ERICH1: variants seen among roughly 807,000 people sequenced by gnomAD.
The protein encoded by ERICH1 is glutamate-rich protein 1.
Under a neutral mutation model 39.6 loss-of-function variants are expected in ERICH1, and 56 were observed. That is an observed-to-expected ratio of 1.41 (90% CI 1.14 to 1.77). The LOEUF is 1.77. Among genes scored for constraint, ERICH1 ranks in the 40% most tolerant of loss-of-function variants. ERICH1 has a pLI of 0.00. For missense variants in ERICH1, 826 were observed against 575.4 expected (o/e 1.44, Z -4.45); for synonymous variants, 313 against 223.6 (o/e 1.40, Z -3.57).
intron 2 of ERICH1, among the ~76,000 whole-genome samples, chr8:713,509 G>A (rs1270042409): frequency 6.6e-6 from 1 of 152,182 alleles, no homozygotes; most frequent in East Asian, 1.9e-4. Flanking sequence ...CCGTATCTAG[G>A]AGACGTGAAG....
At chr8:639,021 A>G (rs980072318) in intron 3 of ERICH1, among the ~76,000 whole-genome samples, 2 of 151,788 alleles carry the variant, frequency 1.3e-5, no homozygotes, top group African/African-American at 4.8e-5. Flanking sequence ...TGCCCACAAC[A>G]CTGCAACGGA....
intron 3 of ERICH1, among the ~76,000 whole-genome samples, chr8:681,889 C>A (rs1395063870): frequency 6.6e-6 from 1 of 152,230 alleles, no homozygotes; most frequent in Non-Finnish European, 1.5e-5. Flanking sequence ...AAGGACCCCA[C>A]CCTTGACACC....
intron 2 of ERICH1, among the ~76,000 whole-genome samples, chr8:694,430 C>T (rs1809660538): frequency 6.6e-6 from 1 of 152,188 alleles, no homozygotes; most frequent in South Asian, 2.1e-4. Flanking sequence ...TTAGAAATGT[C>T]ATTGTTCACT....
downstream of ERICH1, among the ~76,000 whole-genome samples, chr8:662,001 C>T (rs1315141488): frequency 6.6e-6 from 1 of 152,198 alleles, no homozygotes; most frequent in African/African-American, 2.4e-5. Flanking sequence ...CATGACCCAC[C>T]ACCCCTGCAA....
intron 1 of ERICH1, 29 bp downstream of exon 1, chr8:731,111 G>C (rs1200077051): frequency 6.1e-6 from 9 of 1,485,202 alleles, no homozygotes; most frequent in Non-Finnish European, 8.1e-6. Flanking sequence ...TCTGGGGTCT[G>C]GGCAGGCCTC....
At chr8:698,776 C>A (rs1167076162) in intron 2 of ERICH1, among the ~76,000 whole-genome samples, 3 of 152,104 alleles carry the variant, frequency 2.0e-5, no homozygotes, top group Non-Finnish European at 4.4e-5. Context: ...CTGTGTTTGG[C>A]CTGAAAAGTC....
chr8:679,481 G>A (rs1040427872), intron 3 of ERICH1, among the ~76,000 whole-genome samples: 3 of 147,826 alleles, frequency 2.0e-5, no homozygotes, highest in Admixed American at 6.7e-5. Context: ...GCAGCTCTGT[G>A]AGGCCTCCAG....
At chr8:712,139 G>A (rs11786819) in intron 2 of ERICH1, among the ~76,000 whole-genome samples, 21,868 of 151,960 alleles carry the variant, frequency 0.14, 1,922 homozygotes, top group Middle Eastern at 0.25. Flanking sequence ...AGTCTTTTGC[G>A]TCTCCATCTA....
chr8:688,685 A>C (rs1479159035), intron 3 of ERICH1, among the ~76,000 whole-genome samples: 2 of 152,242 alleles, frequency 1.3e-5, no homozygotes, highest in Admixed American at 6.5e-5. Context: ...GTTAAGCAGC[A>C]GAGAAGTGGG....
intron 1 of ERICH1, among the ~76,000 whole-genome samples, chr8:718,343 C>G (rs1816514711): frequency 6.6e-6 from 1 of 152,012 alleles, no homozygotes; most frequent in African/African-American, 2.4e-5. Context: ...GATTTCGGAG[C>G]TAAAAGCGAC....
chr8:622,871 T>C (rs1262218140), intron 3 of ERICH1, among the ~76,000 whole-genome samples: 2 of 152,058 alleles, frequency 1.3e-5, no homozygotes, highest in African/African-American at 4.8e-5. Flanking sequence ...GGTGGAAGGA[T>C]TGCTTGAGCC....
intron 2 of ERICH1, among the ~76,000 whole-genome samples, chr8:707,824 G>T (rs927760673): frequency 3.8e-4 from 58 of 152,282 alleles, no homozygotes; most frequent in African/African-American, 1.4e-3. Flanking sequence ...AAACTTTGGG[G>T]CTTTAAAGGA....
chr8:715,536 T>C lies in ERICH1; in HGVS notation c.169+325A>G, dbSNP rs556271090. Among the ~76,000 whole-genome samples the C allele has an allele frequency of 2.0e-5, 3 of 152,226 alleles. No homozygotes were observed. The East Asian group carries it at 5.8e-4, about 29-fold the overall frequency. On this transcript the variant is annotated intron_variant, in intron 2 of 5. Transcript: ENST00000262109. Reference sequence around the variant, plus strand: ...GCCACCACAGTGACTGGGGGCATGGTGTATGGTGGGGAAGGCGCCTGTCTT... The same window carrying C: ...GCCACCACAGTGACTGGGGGCATGGCGTATGGTGGGGAAGGCGCCTGTCTT...
intron 3 of ERICH1, among the ~76,000 whole-genome samples, chr8:631,006 C>T (rs1338105568): frequency 1.3e-5 from 2 of 151,348 alleles, no homozygotes; most frequent in Admixed American, 6.6e-5. Context: ...TGAGCAACCA[C>T]GTGGACAGAG....
intron 3 of ERICH1, among the ~76,000 whole-genome samples, chr8:689,337 C>T (rs1808386799): frequency 6.6e-6 from 1 of 152,260 alleles, no homozygotes; most frequent in Non-Finnish European, 1.5e-5. Flanking sequence ...TCTCAAACTC[C>T]TGACCTCAGG....
chr8:726,302 A>G (rs548248588), intron 1 of ERICH1, among the ~76,000 whole-genome samples: 1 of 152,282 alleles, frequency 6.6e-6, no homozygotes, highest in African/African-American at 2.4e-5. Flanking sequence ...ACGCATGTAC[A>G]AACACGCCAC....
intron 3 of ERICH1, among the ~76,000 whole-genome samples, chr8:684,106 T>C (rs1806768860): frequency 6.6e-6 from 1 of 152,220 alleles, no homozygotes; most frequent in Admixed American, 6.5e-5. Context: ...AATTCACATT[T>C]AGTCATTTTC....
chr8:674,459 T>A (rs1055190195), intron 3 of ERICH1, among the ~76,000 whole-genome samples: 1 of 152,120 alleles, frequency 6.6e-6, no homozygotes, highest in Non-Finnish European at 1.5e-5. Flanking sequence ...AGCACCACCA[T>A]GCCCAGCTAA....
rs756526316 is a variant in ERICH1 at position 668,556 on chromosome 8, A to C, written c.1258+42T>G. 72 of 1,610,306 alleles carry C rather than the reference A, an allele frequency of 4.5e-5. No individual in the cohort carries two copies. The Admixed American group carries it at 8.3e-4, about 19-fold the overall frequency. ...TCTTTCAGAGGCAAACCTCGATGAG[A>C]GTATCTTAAGCAGGACCTTGAATAA... On this transcript the variant is annotated intron_variant, in intron 5 of 5. Transcript: ENST00000262109.
Sources: allele counts gnomAD v4.1 joint callset (sites outside exome capture counted in the v4.1 genomes callset), GRCh38; gene constraint gnomAD v4.1.1; transcripts MANE v1.5; gene names NCBI Gene and HGNC (gene_info 2026-07-23, HGNC 2026-07-21).